Variants in OSTN observed in about 807,000 individuals in gnomAD.
OSTN encodes the protein osteocrin.
OSTN carries 9 observed loss-of-function variants against 12.0 expected under a neutral mutation model. The observed-to-expected ratio is 0.75, with a 90% CI of 0.45 to 1.30. The LOEUF (loss-of-function observed/expected upper bound fraction) is 1.30. Ranked by LOEUF, OSTN falls within the 50% of genes most tolerant of loss-of-function variation. The pLI is 0.00. For synonymous variants in OSTN, 59 were observed against 56.9 expected, an observed-to-expected ratio of 1.04 and a Z score of -0.16; for missense variants, 148 against 152.3, an observed-to-expected ratio of 0.97 and a Z score of 0.15.
At chr3:191,229,474 G>A (rs894905087) in intron 3 of OSTN, among the ~76,000 whole-genome samples, 1 of 152,188 alleles carries the variant, frequency 6.6e-6, no homozygotes, top group Non-Finnish European at 1.5e-5. Context: ...AACGGATGAA[G>A]TAAGGTTTAC....
chr3:191,247,355 T>C (rs749218207), intron 3 of OSTN, among the ~76,000 whole-genome samples: 35 of 152,168 alleles, frequency 2.3e-4, no homozygotes, highest in Non-Finnish European at 4.7e-4. Flanking sequence ...GTGCAAACAA[T>C]AGAACACCAC....
chr3:191,199,327 T>C lies in OSTN; in HGVS notation c.-1+20T>C, dbSNP rs1014324974. The C allele has an allele frequency of 2.0e-5, 3 of 152,118 alleles. No individual in the cohort carries two copies. The highest frequency in any genetic ancestry group is 4.4e-5 in the Non-Finnish European group (3 of 67,968). The allele number at this position is 152,118 out of a possible 1,614,324, so 9.4% of individuals were successfully genotyped here. A position where few individuals can be genotyped will look rare whatever the true frequency, so the allele number is the denominator to read the frequency against. On this transcript the variant is annotated intron_variant, in intron 1 of 4. Coordinates refer to ENST00000682035, the MANE Select transcript of OSTN (RefSeq NM_198184.2). ...CACGAGGTAAGTTATATGTAAAAATTGATAAAGATTTAATGCTTCTTTTAA... is the reference window on the plus strand; with the variant it reads ...CACGAGGTAAGTTATATGTAAAAATCGATAAAGATTTAATGCTTCTTTTAA...
At chr3:191,230,825 G>T (rs1339149840) in intron 3 of OSTN, among the ~76,000 whole-genome samples, 2 of 152,100 alleles carry the variant, frequency 1.3e-5, no homozygotes, top group South Asian at 4.1e-4. Context: ...AGCAAGAAAA[G>T]AATTTAGTAA....
chr3:191,228,033 A>G (rs541004918), intron 3 of OSTN, among the ~76,000 whole-genome samples: 54 of 152,324 alleles, frequency 3.5e-4, no homozygotes, highest in African/African-American at 1.2e-3. Context: ...TCACAATGCA[A>G]ACTCAACTAT....
chr3:191,201,480 A>G (rs1193667179), intron 1 of OSTN, among the ~76,000 whole-genome samples: 2 of 152,188 alleles, frequency 1.3e-5, no homozygotes, highest in Non-Finnish European at 2.9e-5. Flanking sequence ...AAAATATTAT[A>G]TAAAATGGTA....
At chr3:191,227,821 T>C (rs1352218245) in intron 3 of OSTN, among the ~76,000 whole-genome samples, 1 of 152,166 alleles carries the variant, frequency 6.6e-6, no homozygotes, top group Non-Finnish European at 1.5e-5. Context: ...CATGAGTGCA[T>C]ACTGATATTC....
At chr3:191,200,066 A>G (rs1714119703) in intron 1 of OSTN, among the ~76,000 whole-genome samples, 1 of 152,142 alleles carries the variant, frequency 6.6e-6, no homozygotes, top group Non-Finnish European at 1.5e-5. Context: ...TTATTTGTTT[A>G]TGAGTTTTCC....
intron 4 of OSTN, among the ~76,000 whole-genome samples, chr3:191,259,186 C>T (rs975746197): frequency 3.6e-5 from 5 of 139,186 alleles, no homozygotes; most frequent in Admixed American, 1.6e-4. Flanking sequence ...TGAAAGTAAA[C>T]GGGAAAACAA....
At chr3:191,209,137 C>G (rs1301210986) in intron 1 of OSTN, among the ~76,000 whole-genome samples, 1 of 151,918 alleles carries the variant, frequency 6.6e-6, no homozygotes, top group Non-Finnish European at 1.5e-5. Flanking sequence ...CCAGCCTGAG[C>G]AACAGAGTGA....
At chr3:191,249,995 C>T in intron 3 of OSTN, 42 bp from the exon 4 acceptor site, 2 of 1,407,178 alleles carry the variant, frequency 1.4e-6, no homozygotes, top group Non-Finnish European at 2.0e-6. Context: ...TGATCAATAA[C>T]TTGCCCTTTA....
intron 4 of OSTN, among the ~76,000 whole-genome samples, chr3:191,254,589 A>G (rs1320880119): frequency 6.6e-6 from 1 of 152,156 alleles, no homozygotes; most frequent in East Asian, 1.9e-4. Context: ...AATAATAAAA[A>G]CTCAAAAACA....
intron 4 of OSTN, among the ~76,000 whole-genome samples, chr3:191,259,320 G>A (rs1156330063): frequency 2.0e-5 from 3 of 151,550 alleles, no homozygotes; most frequent in South Asian, 2.1e-4. Context: ...TCAGCCTCCC[G>A]AGTAGCCAGG....
chr3:191,247,070 A>T (rs149622097), intron 3 of OSTN, among the ~76,000 whole-genome samples: 1 of 152,246 alleles, frequency 6.6e-6, no homozygotes, highest in Non-Finnish European at 1.5e-5. Context: ...AGAAGTCATT[A>T]TTCTGACTAC....
chr3:191,251,025 C>T (rs1319203086), intron 4 of OSTN, among the ~76,000 whole-genome samples: 1 of 152,108 alleles, frequency 6.6e-6, no homozygotes, highest in Non-Finnish European at 1.5e-5. Flanking sequence ...AATTCTCAAA[C>T]ACTCCTTCAT....
intron 3 of OSTN, among the ~76,000 whole-genome samples, chr3:191,237,725 T>C (rs1368059379): frequency 6.6e-6 from 1 of 152,216 alleles, no homozygotes; most frequent in Non-Finnish European, 1.5e-5. Context: ...CAGTTTCAGA[T>C]ATTTCTGATC....
intron 3 of OSTN, among the ~76,000 whole-genome samples, chr3:191,248,617 G>A (rs1348585239): frequency 6.6e-6 from 1 of 152,152 alleles, no homozygotes; most frequent in Non-Finnish European, 1.5e-5. Flanking sequence ...ACATCACTGA[G>A]CTTTTCAAGC....
intron 1 of OSTN, among the ~76,000 whole-genome samples, chr3:191,209,937 C>T (rs1330529233): frequency 6.6e-6 from 1 of 152,320 alleles, no homozygotes; most frequent in African/African-American, 2.4e-5. Flanking sequence ...TCTTCCCTCT[C>T]TGTCAGTTTT....
intron 1 of OSTN, among the ~76,000 whole-genome samples, chr3:191,204,348 C>T (rs1163841121): frequency 6.6e-6 from 1 of 152,062 alleles, no homozygotes; most frequent in East Asian, 1.9e-4. Context: ...CTATGCACCA[C>T]GAGTATTTCT....
At chr3:191,228,550 C>T (rs1714970309) in intron 3 of OSTN, among the ~76,000 whole-genome samples, 1 of 152,130 alleles carries the variant, frequency 6.6e-6, no homozygotes, top group Non-Finnish European at 1.5e-5. Context: ...TATGTTCCTG[C>T]TAGATCAACT....
Sources: allele counts gnomAD v4.1 joint callset (sites outside exome capture counted in the v4.1 genomes callset), GRCh38; gene constraint gnomAD v4.1.1; transcripts MANE v1.5; gene names NCBI Gene and HGNC (gene_info 2026-07-23, HGNC 2026-07-21).